Variants in RSRC1 observed in about 807,000 individuals in gnomAD.
The protein encoded by RSRC1 is arginine and serine rich coiled-coil 1.
In RSRC1, 39 loss-of-function variants were observed where a neutral mutation model predicts 49.1. The ratio of observed to expected loss-of-function variants is 0.79; its 90% CI spans 0.61 to 1.04. RSRC1 has a LOEUF of 1.04. RSRC1 is among the 50% of genes least tolerant of loss of function. The pLI is 0.00. For synonymous variants in RSRC1, 143 were observed against 130.8 expected, an observed-to-expected ratio of 1.09 and a Z score of -0.63; for missense variants, 388 against 402.4, an observed-to-expected ratio of 0.96 and a Z score of 0.31.
chr3:158,193,866 C>T (rs569869547), intron 3 of RSRC1, among the ~76,000 whole-genome samples: 5 of 152,074 alleles, frequency 3.3e-5, no homozygotes, highest in East Asian at 1.9e-4. Context: ...GTAGAAATTT[C>T]GTATGTGTAA....
intron 3 of RSRC1, among the ~76,000 whole-genome samples, chr3:158,125,724 A>G (rs2108170769): frequency 6.6e-6 from 1 of 152,208 alleles, no homozygotes; most frequent in South Asian, 2.1e-4. Flanking sequence ...CTGTGTATTT[A>G]TGTTAGGTCT....
intron 7 of RSRC1, among the ~76,000 whole-genome samples, chr3:158,511,640 T>C (rs1379570449): frequency 6.6e-6 from 1 of 152,194 alleles, no homozygotes; most frequent in Non-Finnish European, 1.5e-5. Flanking sequence ...ATATACCCAG[T>C]AATAGGATGG....
At chr3:158,444,395 C>T (rs1424928311) in intron 6 of RSRC1, among the ~76,000 whole-genome samples, 1 of 152,074 alleles carries the variant, frequency 6.6e-6, no homozygotes, top group Non-Finnish European at 1.5e-5. Context: ...CTGACAAAAA[C>T]AAGCAATGGG....
chr3:158,458,303 C>G (rs1737448512), intron 6 of RSRC1, among the ~76,000 whole-genome samples: 1 of 151,780 alleles, frequency 6.6e-6, no homozygotes, highest in Non-Finnish European at 1.5e-5. Context: ...TCATAGGGAG[C>G]CTCTGCAGCA....
intron 3 of RSRC1, among the ~76,000 whole-genome samples, chr3:158,133,838 T>TA (rs1014781414): frequency 6.6e-6 from 1 of 152,246 alleles, no homozygotes; most frequent in Non-Finnish European, 1.5e-5. Context: ...ATGTCACAGT[T>TA]ACTGTTTCTT....
At chr3:158,113,772 A>G (rs1293701381) in intron 1 of RSRC1, among the ~76,000 whole-genome samples, 1 of 152,006 alleles carries the variant, frequency 6.6e-6, no homozygotes, top group East Asian at 1.9e-4. Context: ...GTTTTTTCTC[A>G]TATGTTTGTT....
chr3:158,330,987 A>T (rs1729509915), intron 5 of RSRC1, among the ~76,000 whole-genome samples: 1 of 152,126 alleles, frequency 6.6e-6, no homozygotes, highest in Non-Finnish European at 1.5e-5. Context: ...GTCATGTCTC[A>T]CATGGCAGCA....
At chr3:158,473,333 A>G (rs1042396428) in intron 7 of RSRC1, among the ~76,000 whole-genome samples, 16 of 152,334 alleles carry the variant, frequency 1.1e-4, no homozygotes, top group African/African-American at 3.4e-4. Flanking sequence ...CTATGCAGCC[A>G]TAAAAAATGA....
At chr3:158,427,915 A>G (rs1011947277) in intron 6 of RSRC1, among the ~76,000 whole-genome samples, 1 of 151,758 alleles carries the variant, frequency 6.6e-6, no homozygotes, top group Admixed American at 6.6e-5. Context: ...ATCTTCATGC[A>G]TACTTTTTTC....
intron 5 of RSRC1, among the ~76,000 whole-genome samples, chr3:158,351,610 C>T (rs918551918): frequency 1.2e-4 from 18 of 151,892 alleles, no homozygotes; most frequent in Admixed American, 2.0e-4. Context: ...TTTTTTTAAA[C>T]GGAATCAAAA....
At chr3:158,222,049 GGATT>G (rs1481414272) in intron 4 of RSRC1, among the ~76,000 whole-genome samples, 1 of 151,348 alleles carries the variant, frequency 6.6e-6, no homozygotes, top group African/African-American at 2.4e-5. Context: ...CATTTTTAGG[GGATT>G]GATAAGTTTT....
chr3:158,195,766 A>T (rs988250332), intron 3 of RSRC1, among the ~76,000 whole-genome samples: 28 of 151,976 alleles, frequency 1.8e-4, no homozygotes, highest in Non-Finnish European at 3.8e-4. Context: ...TCCTTTCCCC[A>T]TTTCTTGTTT....
intron 3 of RSRC1, among the ~76,000 whole-genome samples, chr3:158,179,739 C>T (rs1421575178): frequency 6.6e-6 from 1 of 152,042 alleles, no homozygotes; most frequent in Non-Finnish European, 1.5e-5. Context: ...TTTCATTTCT[C>T]TGGAATAAAT....
chr3:158,333,616 C>G (rs190303401), intron 5 of RSRC1, among the ~76,000 whole-genome samples: 3 of 152,256 alleles, frequency 2.0e-5, no homozygotes, highest in South Asian at 2.1e-4. Flanking sequence ...CTAGTACTTT[C>G]AGCACTTTTC....
intron 7 of RSRC1, among the ~76,000 whole-genome samples, chr3:158,490,223 T>C (rs1739015734): frequency 6.6e-6 from 1 of 152,180 alleles, no homozygotes; most frequent in Non-Finnish European, 1.5e-5. Flanking sequence ...TAGTTGGTAC[T>C]ACAGGCATCC....
At chr3:158,139,636 CTT>C (rs11388130) in intron 3 of RSRC1, among the ~76,000 whole-genome samples, 10 of 140,034 alleles carry the variant, frequency 7.1e-5, no homozygotes, top group Admixed American at 1.4e-4. Flanking sequence ...TCCCATTAGT[CTT>C]TTTTTTTTTT....
At chr3:158,163,573 T>G (rs1172210228) in intron 3 of RSRC1, among the ~76,000 whole-genome samples, 1 of 152,142 alleles carries the variant, frequency 6.6e-6, no homozygotes, top group East Asian at 1.9e-4. Context: ...GCTTGGTACC[T>G]GTGTTGTGTT....
intron 5 of RSRC1, among the ~76,000 whole-genome samples, chr3:158,353,019 A>G (rs1312806321): frequency 6.6e-6 from 1 of 152,132 alleles, no homozygotes; most frequent in African/African-American, 2.4e-5. Flanking sequence ...GCTTACATAC[A>G]TTTTCCCTTA....
intron 6 of RSRC1, among the ~76,000 whole-genome samples, chr3:158,362,049 G>A (rs1021975344): frequency 2.6e-5 from 4 of 152,134 alleles, no homozygotes; most frequent in African/African-American, 9.7e-5. Flanking sequence ...GTCAGGAACT[G>A]TATATTTATC....
Sources: allele counts gnomAD v4.1 joint callset (sites outside exome capture counted in the v4.1 genomes callset), GRCh38; gene constraint gnomAD v4.1.1; transcripts MANE v1.5; gene names NCBI Gene and HGNC (gene_info 2026-07-23, HGNC 2026-07-21).